The following AGMO variants were observed in gnomAD, a reference collection of about 807,000 sequenced individuals.
AGMO encodes glyceryl-ether monooxygenase.
AGMO carries 75 observed loss-of-function variants against 60.2 expected under a neutral mutation model. The ratio of observed to expected loss-of-function variants is 1.25; its 90% confidence interval spans 1.03 to 1.51. AGMO has a LOEUF of 1.51. AGMO is among the 40% of genes most tolerant of loss of function. AGMO has a pLI of 0.00. For missense variants in AGMO, 763 were observed against 525.5 expected, an observed-to-expected ratio of 1.45 and a Z score of -4.42; for synonymous variants, 261 against 177.1, an observed-to-expected ratio of 1.47 and a Z score of -3.76.
chr7:15,322,909 T>C (rs1781219386), intron 12 of AGMO, among the ~76,000 whole-genome samples: 1 of 146,872 alleles, frequency 6.8e-6, no homozygotes, highest in Non-Finnish European at 1.5e-5. Flanking sequence ...AAAATATATA[T>C]ATACACATAT....
chr7:15,122,651 C>T, the AGMO span, among the ~76,000 whole-genome samples: 2 of 152,108 alleles, frequency 1.3e-5, no homozygotes, highest in African/African-American at 4.8e-5. Flanking sequence ...AAAACCATTG[C>T]ATTCCACTTT....
intron 12 of AGMO, among the ~76,000 whole-genome samples, chr7:15,263,875 G>C (rs1029241099): frequency 1.3e-5 from 2 of 152,024 alleles, no homozygotes; most frequent in Admixed American, 6.6e-5. Context: ...AGGATGCAAA[G>C]GCATAAAAAT....
chr7:15,438,907 C>A (rs1296042132), intron 3 of AGMO, among the ~76,000 whole-genome samples: 1 of 152,158 alleles, frequency 6.6e-6, no homozygotes, highest in Non-Finnish European at 1.5e-5. Flanking sequence ...GATGCAATAA[C>A]CACAAATATA....
intron 12 of AGMO, among the ~76,000 whole-genome samples, chr7:15,347,658 A>G (rs928896696): frequency 6.6e-6 from 1 of 152,056 alleles, no homozygotes; most frequent in South Asian, 2.1e-4. Flanking sequence ...TGAATTTTTC[A>G]AGAGAAACCA....
intron 10 of AGMO, among the ~76,000 whole-genome samples, chr7:15,367,206 C>T (rs1429858769): frequency 6.6e-6 from 1 of 151,592 alleles, no homozygotes; most frequent in Non-Finnish European, 1.5e-5. Flanking sequence ...GGTACAGTTG[C>T]ATAAAGTGGG....
intron 5 of AGMO, among the ~76,000 whole-genome samples, chr7:15,395,310 T>A (rs1216845005): frequency 6.6e-6 from 1 of 152,112 alleles, no homozygotes; most frequent in Non-Finnish European, 1.5e-5. Flanking sequence ...GATAAGTCAG[T>A]GTCACGGGAA....
At chr7:15,509,912 G>T (rs1783625123) in intron 3 of AGMO, among the ~76,000 whole-genome samples, 1 of 152,236 alleles carries the variant, frequency 6.6e-6, no homozygotes, top group East Asian at 1.9e-4. Context: ...AAAGGCAGTA[G>T]ATAACAAGTA....
At chr7:15,298,658 T>C (rs1221273111) in intron 12 of AGMO, among the ~76,000 whole-genome samples, 2 of 152,128 alleles carry the variant, frequency 1.3e-5, no homozygotes, top group Admixed American at 1.3e-4. Flanking sequence ...AGCCTCAGCC[T>C]CCCAAAGTGC....
intron 3 of AGMO, among the ~76,000 whole-genome samples, chr7:15,501,311 T>C (rs1368947015): frequency 6.6e-6 from 1 of 151,934 alleles, no homozygotes; most frequent in South Asian, 2.1e-4. Flanking sequence ...TTTTCATAGG[T>C]GAAATACGAC....
At chr7:15,127,710 A>T in the AGMO span, among the ~76,000 whole-genome samples, 400 of 152,248 alleles carry the variant, frequency 2.6e-3, no homozygotes, top group African/African-American at 9.1e-3. Flanking sequence ...ACTGGATTTT[A>T]TATTTCTATT....
chr7:15,356,573 G>A (rs1782537720), intron 12 of AGMO, among the ~76,000 whole-genome samples: 1 of 151,824 alleles, frequency 6.6e-6, no homozygotes, highest in Non-Finnish European at 1.5e-5. Context: ...TAAGCACAAA[G>A]TACAAAATAA....
At chr7:15,525,703 A>G (rs1473196549) in intron 3 of AGMO, among the ~76,000 whole-genome samples, 1 of 152,122 alleles carries the variant, frequency 6.6e-6, no homozygotes, top group African/African-American at 2.4e-5. Flanking sequence ...TTGACCGGGT[A>G]AGGGTAGCCG....
intron 3 of AGMO, among the ~76,000 whole-genome samples, chr7:15,500,497 A>T (rs754887338): frequency 2.0e-5 from 3 of 151,400 alleles, no homozygotes; most frequent in Non-Finnish European, 3.0e-5. Flanking sequence ...TGTGCTGTAT[A>T]TGAGTGTGTG....
At chr7:15,456,851 C>A (rs1309952569) in intron 3 of AGMO, among the ~76,000 whole-genome samples, 1 of 152,120 alleles carries the variant, frequency 6.6e-6, no homozygotes, top group African/African-American at 2.4e-5. Context: ...CTGTCAACTT[C>A]CAGCTTTCAA....
chr7:15,339,715 A>G (rs1781774859), intron 12 of AGMO, among the ~76,000 whole-genome samples: 1 of 152,184 alleles, frequency 6.6e-6, no homozygotes, highest in South Asian at 2.1e-4. Context: ...GGACACCAAT[A>G]TCCCTTTATC....
At chr7:15,335,181 T>A (rs1245877680) in intron 12 of AGMO, among the ~76,000 whole-genome samples, 2 of 152,186 alleles carry the variant, frequency 1.3e-5, no homozygotes, top group African/African-American at 4.8e-5. Context: ...GATGATGGCA[T>A]GAGTTTTCAG....
At chr7:15,310,736 C>G (rs1419644152) in intron 12 of AGMO, among the ~76,000 whole-genome samples, 1 of 152,124 alleles carries the variant, frequency 6.6e-6, no homozygotes, top group Non-Finnish European at 1.5e-5. Flanking sequence ...AAAAACAACA[C>G]AAATTAATTT....
chr7:15,229,990 T>A (rs1035982979), intron 12 of AGMO, among the ~76,000 whole-genome samples: 3 of 151,724 alleles, frequency 2.0e-5, no homozygotes, highest in African/African-American at 7.2e-5. Context: ...TTTTAATTCA[T>A]TGAAACAAAA....
At chr7:15,372,942 T>A (rs1480912199) in intron 10 of AGMO, among the ~76,000 whole-genome samples, 1 of 152,122 alleles carries the variant, frequency 6.6e-6, no homozygotes, top group Non-Finnish European at 1.5e-5. Context: ...TATGAGGCAA[T>A]AAATTATTTT....
Sources: gnomAD v4.1 joint callset for allele counts (sites outside exome capture counted in the v4.1 genomes callset) on GRCh38, gnomAD v4.1.1 for gene constraint, MANE v1.5 for transcripts, NCBI Gene and HGNC (gene_info 2026-07-23, HGNC 2026-07-21) for gene names.